The following CCDC85A variants were observed in gnomAD, a reference collection of about 807,000 sequenced individuals.
The protein encoded by CCDC85A is coiled-coil domain-containing protein 85A.
Under a neutral mutation model 50.2 loss-of-function variants are expected in CCDC85A, and 38 were observed. That is an observed-to-expected ratio of 0.76 (90% CI 0.58 to 0.99). The LOEUF (loss-of-function observed/expected upper bound fraction) is 0.99. CCDC85A is among the 50% of genes least tolerant of loss of function. The pLI is 0.00. For missense variants in CCDC85A, 820 were observed against 742.0 expected (o/e 1.11, Z -1.22); for synonymous variants, 366 against 301.4 (o/e 1.21, Z -2.22).
intron 2 of CCDC85A, 49 bp from the exon 3 acceptor site, chr2:56,342,830 C>A: frequency 8.0e-7 from 1 of 1,254,662 alleles, no homozygotes; most frequent in Non-Finnish European, 1.1e-6. Flanking sequence ...TGACAGTACA[C>A]CAAACAAGAC....
At chr2:56,278,977 CCTT>C (rs1326363069) in intron 2 of CCDC85A, among the ~76,000 whole-genome samples, 18 of 152,222 alleles carry the variant, frequency 1.2e-4, no homozygotes, top group African/African-American at 3.4e-4. Context: ...CAAACCATCT[CCTT>C]CTTAACTGAT....
At chr2:56,279,491 AT>A (rs1255158759) in intron 2 of CCDC85A, among the ~76,000 whole-genome samples, 3 of 152,018 alleles carry the variant, frequency 2.0e-5, no homozygotes, top group Non-Finnish European at 4.4e-5. Flanking sequence ...TTCTGTCTCT[AT>A]AAACTTGCCT....
In CCDC85A at chr2:56,192,603, G is replaced by T. The variant is rs750946147; in HGVS notation, c.403G>T (p.Gly135Trp). 1 of 1,613,918 alleles carries T rather than the reference G, an allele frequency of 6.2e-7. No individual in the cohort carries two copies. ...GCAGAGACTGGGTCGCTACACTGCC[G>T]GGGTGATGCACAAGGAAGTGGCCTT... ...EWQRLGRYTAGVMHKEVALYL... is the reference protein window; with the variant it reads ...EWQRLGRYTAWVMHKEVALYL... The change falls in exon 2 of 6, where the codon GGG becomes TGG. Residue 135 changes from glycine to tryptophan, a missense_variant. By Grantham distance (184) the Gly-to-Trp change is radical. Transcript: ENST00000407595. This position sits in a 1 kb window ranked among gnomAD's most constrained non-coding sequence, Gnocchi z 4.7.
At chr2:56,304,825 G>C (rs1672360837) in intron 2 of CCDC85A, among the ~76,000 whole-genome samples, 1 of 151,816 alleles carries the variant, frequency 6.6e-6, no homozygotes, top group Non-Finnish European at 1.5e-5. Context: ...AGGGCGGGCG[G>C]ATCACCTGAG....
chr2:56,257,561 A>T (rs1404204782), intron 2 of CCDC85A, among the ~76,000 whole-genome samples: 2 of 152,176 alleles, frequency 1.3e-5, no homozygotes. Context: ...AGGAAGTTAC[A>T]TGAAAAACAT....
chr2:56,277,067 T>C (rs922836096), intron 2 of CCDC85A, among the ~76,000 whole-genome samples: 1 of 152,136 alleles, frequency 6.6e-6, no homozygotes, highest in African/African-American at 2.4e-5. Flanking sequence ...GGCCGCAGAG[T>C]CCTCTCTTTC....
intron 3 of CCDC85A, among the ~76,000 whole-genome samples, chr2:56,357,152 T>C (rs1332041853): frequency 6.6e-6 from 1 of 152,058 alleles, no homozygotes; most frequent in Non-Finnish European, 1.5e-5. Flanking sequence ...TTCTGAGCAT[T>C]GATTCATTGA....
intron 2 of CCDC85A, among the ~76,000 whole-genome samples, chr2:56,328,861 A>G (rs1222761778): frequency 1.3e-5 from 2 of 151,990 alleles, no homozygotes; most frequent in Non-Finnish European, 2.9e-5. Context: ...GTCCCATAGC[A>G]GCTCCCTCAG....
intron 2 of CCDC85A, among the ~76,000 whole-genome samples, chr2:56,322,355 C>T (rs532702765): frequency 6.6e-6 from 1 of 152,164 alleles, no homozygotes; most frequent in Non-Finnish European, 1.5e-5. Flanking sequence ...AGTGAACAGG[C>T]AACCTACAGA....
intron 3 of CCDC85A, among the ~76,000 whole-genome samples, chr2:56,356,824 C>T (rs547222982): frequency 6.6e-6 from 1 of 151,118 alleles, no homozygotes; most frequent in South Asian, 2.1e-4. Flanking sequence ...AATCCCAGCG[C>T]TTTGGGAGGC....
intron 3 of CCDC85A, among the ~76,000 whole-genome samples, chr2:56,352,086 A>G (rs1674977751): frequency 6.6e-6 from 1 of 152,176 alleles, no homozygotes; most frequent in African/African-American, 2.4e-5. Flanking sequence ...TTTTCATTTA[A>G]AAGTTTTCTA....
chr2:56,217,603 T>C (rs1280139104), intron 2 of CCDC85A, among the ~76,000 whole-genome samples: 3 of 151,874 alleles, frequency 2.0e-5, no homozygotes, highest in Non-Finnish European at 4.4e-5. Context: ...TCCATATATG[T>C]TGATGTCATG....
At chr2:56,187,591 T>C (rs1676106998) in intron 1 of CCDC85A, among the ~76,000 whole-genome samples, 1 of 152,218 alleles carries the variant, frequency 6.6e-6, no homozygotes, top group African/African-American at 2.4e-5. Context: ...GGGATTTTAA[T>C]TCCACATGAG....
At chr2:56,276,319 C>A (rs1202515098) in intron 2 of CCDC85A, among the ~76,000 whole-genome samples, 1 of 117,506 alleles carries the variant, frequency 8.5e-6, no homozygotes, top group African/African-American at 3.3e-5. Flanking sequence ...GCTTTACTTT[C>A]TGAAGATGAC....
At chr2:56,198,638 C>T (rs1433588253) in intron 2 of CCDC85A, among the ~76,000 whole-genome samples, 2 of 152,108 alleles carry the variant, frequency 1.3e-5, no homozygotes, top group African/African-American at 4.8e-5. Flanking sequence ...CAATATATAT[C>T]AGAGGAAAAC....
intron 2 of CCDC85A, among the ~76,000 whole-genome samples, chr2:56,321,691 C>G (rs192987795): frequency 1.7e-4 from 26 of 152,240 alleles, no homozygotes; most frequent in African/African-American, 5.5e-4. Context: ...TACGAAGAAC[C>G]AATATTGTGA....
At chr2:56,265,532 G>A (rs1001471599) in intron 2 of CCDC85A, among the ~76,000 whole-genome samples, 6 of 152,066 alleles carry the variant, frequency 3.9e-5, no homozygotes, top group African/African-American at 1.5e-4. Context: ...TGGCCAACAG[G>A]TATATGAAAA....
At chr2:56,250,191 G>A (rs1272780872) in intron 2 of CCDC85A, among the ~76,000 whole-genome samples, 1 of 152,140 alleles carries the variant, frequency 6.6e-6, no homozygotes, top group African/African-American at 2.4e-5. Context: ...TCATTTAAGA[G>A]TTTGGTGCCT....
At chr2:56,313,377 G>A (rs1387479980) in intron 2 of CCDC85A, among the ~76,000 whole-genome samples, 1 of 152,146 alleles carries the variant, frequency 6.6e-6, no homozygotes, top group Non-Finnish European at 1.5e-5. Flanking sequence ...CTGGCACATT[G>A]TAGGCCTTCA....
Sources: allele counts gnomAD v4.1 joint callset (sites outside exome capture counted in the v4.1 genomes callset), GRCh38; gene constraint gnomAD v4.1.1; non-coding constraint Gnocchi (gnomAD v3.1); transcripts MANE v1.5; gene names NCBI Gene and HGNC (gene_info 2026-07-23, HGNC 2026-07-21).